WWC2: variants seen among roughly 807,000 people sequenced by gnomAD.
WWC2 encodes WW and C2 domain containing 2, also known as protein WWC2.
WWC2 carries 101 observed loss-of-function variants against 138.5 expected under a neutral mutation model. That is an observed-to-expected ratio of 0.73 (90% CI 0.62 to 0.86). The LOEUF (loss-of-function observed/expected upper bound fraction) is 0.86, where lower values mean the gene tolerates loss of function less well. Ranked by LOEUF, WWC2 falls within the 40% of genes least tolerant of loss-of-function variation. The pLI is 0.00. For missense variants in WWC2, 1,420 were observed against 1,419.4 expected (o/e 1.00, Z -0.01); for synonymous variants, 558 against 538.4 (o/e 1.04, Z -0.50).
intron 1 of WWC2, among the ~76,000 whole-genome samples, chr4:183,122,607 C>T (rs972544428): frequency 3.9e-5 from 6 of 152,124 alleles, no homozygotes; most frequent in African/African-American, 1.4e-4. Context: ...GCAGTCTCCG[C>T]CTCCCAGGCT....
intron 4 of WWC2, among the ~76,000 whole-genome samples, chr4:183,220,201 A>G (rs1280544960): frequency 6.6e-6 from 1 of 152,172 alleles, no homozygotes; most frequent in Non-Finnish European, 1.5e-5. Flanking sequence ...TTTTTCTGCA[A>G]AGCCCCAGAT....
intron 20 of WWC2, among the ~76,000 whole-genome samples, chr4:183,287,512 A>C (rs1251138180): frequency 6.6e-6 from 1 of 152,188 alleles, no homozygotes; most frequent in Non-Finnish European, 1.5e-5. Flanking sequence ...TGATAAACTT[A>C]GTTATTAGGA....
chr4:183,127,534 A>G (rs377423488), intron 1 of WWC2, among the ~76,000 whole-genome samples: 32 of 152,332 alleles, frequency 2.1e-4, no homozygotes, highest in African/African-American at 7.5e-4. Flanking sequence ...AAAGTAGCAG[A>G]TAGGGAGGAT....
chr4:183,223,506 A>G (rs368121213), intron 4 of WWC2, among the ~76,000 whole-genome samples: 1 of 152,220 alleles, frequency 6.6e-6, no homozygotes, highest in Non-Finnish European at 1.5e-5. Flanking sequence ...ACATTTCAGC[A>G]TGTATTTTTA....
chr4:183,238,604 A>C (rs1736507242), intron 4 of WWC2, among the ~76,000 whole-genome samples: 1 of 151,618 alleles, frequency 6.6e-6, no homozygotes, highest in Non-Finnish European at 1.5e-5. Context: ...TTTGCTGAAT[A>C]CCCCCTCACC....
intron 1 of WWC2, among the ~76,000 whole-genome samples, chr4:183,099,938 G>C (rs1743114182): frequency 6.6e-6 from 1 of 152,228 alleles, no homozygotes; most frequent in African/African-American, 2.4e-5. Flanking sequence ...CCTAGGCTTC[G>C]AGGTGCCCAC....
intron 21 of WWC2, among the ~76,000 whole-genome samples, chr4:183,295,863 A>G (rs955953819): frequency 1.3e-5 from 2 of 152,190 alleles, no homozygotes; most frequent in African/African-American, 4.8e-5. Context: ...CAGTGACAGA[A>G]ATAATGATAG....
At chr4:183,285,825 A>T (rs181464029) in intron 19 of WWC2, 142 bp from the exon 20 acceptor site, 2 of 686,840 alleles carry the variant, frequency 2.9e-6, no homozygotes, top group African/African-American at 3.6e-5. Context: ...GAACAGGAAA[A>T]ACTTGTTTGA....
intron 1 of WWC2, among the ~76,000 whole-genome samples, chr4:183,106,266 G>C (rs190573468): frequency 6.6e-6 from 1 of 152,104 alleles, no homozygotes. Flanking sequence ...TTACAGGCAT[G>C]AGCCACCACG....
chr4:183,209,390 A>G (rs1430076630), intron 4 of WWC2, among the ~76,000 whole-genome samples: 9 of 152,048 alleles, frequency 5.9e-5, no homozygotes, highest in Admixed American at 5.2e-4. Flanking sequence ...ACTATGCACA[A>G]CTAATTTTAG....
In WWC2 at chr4:183,240,206, C is replaced by G. The variant is rs986380720; in HGVS notation, c.546C>G (p.Leu182=). 2 of 1,551,522 alleles carry G rather than the reference C, an allele frequency of 1.3e-6. No individual in the cohort carries two copies. The highest frequency in any genetic ancestry group is 1.4e-5 in the African/African-American group (1 of 73,126). Residue 182 remains leucine (L), a synonymous_variant, in exon 5 of 23, where the codon CTC becomes CTG. Transcript: ENST00000403733. ...RLRVKKLKRE[L]SQMKQELLYK... Reference sequence around the variant, plus strand: ...AGGTTAAAAAGCTAAAGAGAGAGCTCTCACAGATGAAGCAGGAACTGCTCT... The same window carrying G: ...AGGTTAAAAAGCTAAAGAGAGAGCTGTCACAGATGAAGCAGGAACTGCTCT...
At chr4:183,308,123 T>C (rs527820634) in intron 21 of WWC2, among the ~76,000 whole-genome samples, 5 of 152,344 alleles carry the variant, frequency 3.3e-5, no homozygotes, top group Admixed American at 1.3e-4. Flanking sequence ...CAATGCCGTT[T>C]CCATTAGTAT....
intron 1 of WWC2, among the ~76,000 whole-genome samples, chr4:183,134,714 C>G (rs917981393): frequency 6.6e-6 from 1 of 151,992 alleles, no homozygotes; most frequent in East Asian, 1.9e-4. Flanking sequence ...TTAGTAGGTA[C>G]GTGCAAACTT....
chr4:183,256,708 A>G (rs933924121), intron 9 of WWC2, among the ~76,000 whole-genome samples: 25 of 152,144 alleles, frequency 1.6e-4, no homozygotes, highest in Non-Finnish European at 2.9e-4. Context: ...CTTGGTACCT[A>G]CATGACTGTC....
intron 1 of WWC2, among the ~76,000 whole-genome samples, chr4:183,149,132 A>G (rs1427464108): frequency 6.6e-6 from 1 of 152,036 alleles, no homozygotes; most frequent in East Asian, 1.9e-4. Context: ...GCTTTAATGA[A>G]TTGTCATAAA....
intron 11 of WWC2, among the ~76,000 whole-genome samples, chr4:183,263,394 C>T (rs922340643): frequency 6.6e-6 from 1 of 152,130 alleles, no homozygotes; most frequent in African/African-American, 2.4e-5. Flanking sequence ...TCTGGTTGGC[C>T]CATGCCTTGC....
chr4:183,099,384 C>A lies in WWC2; in HGVS notation c.-108C>A. 1 of 1,127,150 alleles carries A rather than the reference C, an allele frequency of 8.9e-7. No homozygotes were observed. Among genetic ancestry groups the A allele is most frequent in the African/African-American group, 1.6e-5 (1 of 60,756 alleles). The allele number at this position is 1,127,150 out of a possible 1,614,324, so 69.8% of individuals were successfully genotyped here. A position where few individuals can be genotyped will look rare whatever the true frequency, so the allele number is the denominator to read the frequency against. ...CCGCGCCCTGCGCCCCTCAGCCCCT[C>A]GCCGGCGCCCGCGTCGCGGGTTGGC... is the stretch of plus-strand genomic sequence containing the variant. On this transcript the variant is annotated 5_prime_UTR_variant, in exon 1 of 23. Coordinates refer to ENST00000403733, the MANE Select transcript of WWC2 (RefSeq NM_024949.6).
intron 1 of WWC2, among the ~76,000 whole-genome samples, chr4:183,172,556 G>GTTT (rs61599876): frequency 5.9e-4 from 67 of 113,046 alleles, no homozygotes; most frequent in African/African-American, 1.8e-3. Flanking sequence ...TATGTTTCTT[G>GTTT]TTTTTTTTTT....
intron 1 of WWC2, among the ~76,000 whole-genome samples, chr4:183,105,407 G>A (rs1463500083): frequency 1.3e-5 from 2 of 152,192 alleles, no homozygotes; most frequent in African/African-American, 4.8e-5. Context: ...GTAATTGTCT[G>A]TAGGAAAATG....
Sources: gnomAD v4.1 joint callset for allele counts (sites outside exome capture counted in the v4.1 genomes callset) on GRCh38, gnomAD v4.1.1 for gene constraint, MANE v1.5 for transcripts, NCBI Gene and HGNC (gene_info 2026-07-23, HGNC 2026-07-21) for gene names.